CPVL: variants seen among roughly 807,000 people sequenced by gnomAD.
CPVL encodes carboxypeptidase vitellogenic like.
A neutral mutation model predicts 63.7 loss-of-function variants in CPVL; 51 were observed. The observed-to-expected ratio is 0.80, with a 90% CI of 0.64 to 1.01. The LOEUF is 1.01. Among genes scored for constraint, CPVL ranks in the 50% least tolerant of loss-of-function variants. CPVL has a pLI of 0.00. For synonymous variants in CPVL, 195 were observed against 206.0 expected, an observed-to-expected ratio of 0.95 and a Z score of 0.46; for missense variants, 530 against 573.1, an observed-to-expected ratio of 0.92 and a Z score of 0.77.
chr7:29,077,118 G>A lies in CPVL; in HGVS notation c.610-4695C>T, dbSNP rs187122248. Among the ~76,000 whole-genome samples the A allele has an allele frequency of 1.4e-3, 206 of 152,210 alleles. 1 individual carries two copies. Among genetic ancestry groups the A allele is most frequent in the African/African-American group, 3.9e-3 (163 of 41,534 alleles). ...TAACCTGCCATTTGGTTACTTTCAA[G>A]GAAGGGAAAAAGATTTCATAGCTAA... On this transcript the variant is annotated intron_variant, in intron 7 of 12. Transcript: ENST00000265394.
intron 5 of CPVL, among the ~76,000 whole-genome samples, chr7:29,164,801 A>AAAC (rs61534046): frequency 7.0e-6 from 1 of 142,214 alleles, no homozygotes. Flanking sequence ...AAAAAAAAAA[A>AAAC]CAAAGATTAT....
chr7:29,009,656 TTTC>T (rs1403254356), intron 12 of CPVL: 10 of 152,274 alleles, frequency 6.6e-5, no homozygotes, highest in African/African-American at 2.2e-4. Context: ...TACAGAATAA[TTTC>T]TTTTCTATAA....
chr7:29,099,597 A>T (rs1408445173), intron 3 of CPVL, among the ~76,000 whole-genome samples: 1 of 152,162 alleles, frequency 6.6e-6, no homozygotes, highest in African/African-American at 2.4e-5. Context: ...CTGTAATCCT[A>T]GCTACTTTAG....
At chr7:29,096,304 C>T in intron 3 of CPVL, 87 bp from the exon 4 acceptor site, 2 of 1,051,058 alleles carry the variant, frequency 1.9e-6, no homozygotes, top group Non-Finnish European at 3.0e-6. Flanking sequence ...CAAATCCTCT[C>T]TGTGTTACAG....
chr7:29,168,452 T>C (rs1009839759), intron 5 of CPVL, among the ~76,000 whole-genome samples: 9 of 152,240 alleles, frequency 5.9e-5, no homozygotes, highest in Non-Finnish European at 2.9e-5. Context: ...ACCCAGCTTC[T>C]ATAATTATGG....
Position 29,112,830 on chromosome 7 carries a change from G to A in CPVL, c.170-8C>T. 1 of 1,589,486 alleles carries A rather than the reference G, an allele frequency of 6.3e-7. No homozygotes were observed. Among genetic ancestry groups the A allele is most frequent in the Non-Finnish European group, 8.6e-7 (1 of 1,161,140 alleles). On this transcript the variant is annotated splice_polypyrimidine_tract_variant and splice_region_variant and intron_variant, in intron 2 of 12. Coordinates refer to ENST00000265394, the MANE Select transcript of CPVL (RefSeq NM_031311.5). ...CCAAACTCAATTCTCTTCCTAGTGG[G>A]GGAAAAAAAATTTACCCAAGGATTA...
At chr7:29,061,228 T>C (rs1336538324) in intron 11 of CPVL, among the ~76,000 whole-genome samples, 3 of 151,186 alleles carry the variant, frequency 2.0e-5, no homozygotes, top group African/African-American at 7.3e-5. Context: ...GGCAACATGG[T>C]GAAACCCTGT....
chr7:29,112,770 A>C lies in CPVL; in HGVS notation c.222T>G (p.Tyr74Ter). The change falls in exon 3 of 13, where the codon TAT becomes TAG. Residue 74 changes from tyrosine (Y) to a stop codon, truncating the protein, a stop_gained. Coordinates refer to ENST00000265394, the MANE Select transcript of CPVL (RefSeq NM_031311.5). LOFTEE classifies it high-confidence loss of function. Reference sequence around the variant, plus strand: ...TCTTATTCACGGTGAGGAAGCCGGCATAACTCTTCATGTTCAGTCCTGGGA... The same window carrying C: ...TCTTATTCACGGTGAGGAAGCCGGCCTAACTCTTCATGTTCAGTCCTGGGA... ...GPFPGLNMKS[Y>*]AGFLTVNKTY... 2 of 1,614,014 alleles carry C rather than the reference A, an allele frequency of 1.2e-6. No individual in the cohort carries two copies. The highest frequency in any genetic ancestry group is 2.2e-5 in the South Asian group (2 of 91,048).
At chr7:29,059,156 T>C (rs907906743) in intron 11 of CPVL, among the ~76,000 whole-genome samples, 2 of 152,178 alleles carry the variant, frequency 1.3e-5, no homozygotes, top group Non-Finnish European at 2.9e-5. Context: ...ATCCTCATGC[T>C]ACTCTTAGCT....
At chr7:29,126,957 G>A (rs1046281954) in intron 1 of CPVL, 13 of 152,210 alleles carry the variant, frequency 8.5e-5, no homozygotes, top group African/African-American at 3.1e-4. Context: ...GCAACCTTTT[G>A]CTGAAGTGGC....
At chr7:29,125,763 C>T (rs948934377) in intron 1 of CPVL, among the ~76,000 whole-genome samples, 3 of 152,108 alleles carry the variant, frequency 2.0e-5, no homozygotes, top group Admixed American at 1.3e-4. Flanking sequence ...TAATAACAGC[C>T]TGTAATAGTC....
intron 5 of CPVL, among the ~76,000 whole-genome samples, chr7:29,165,941 C>T (rs1795852206): frequency 6.6e-6 from 1 of 152,124 alleles, no homozygotes; most frequent in Non-Finnish European, 1.5e-5. Context: ...TCACAGGGGA[C>T]ATGATTTGTA....
intron 1 of CPVL, among the ~76,000 whole-genome samples, chr7:29,145,136 T>C (rs561053193): frequency 2.1e-4 from 32 of 152,018 alleles, no homozygotes; most frequent in Non-Finnish European, 1.0e-4. Flanking sequence ...CGGTGCAGTG[T>C]ACTTTTCCAA....
intron 12 of CPVL, among the ~76,000 whole-genome samples, chr7:29,027,558 A>T (rs1474450684): frequency 2.6e-5 from 4 of 152,194 alleles, no homozygotes; most frequent in Non-Finnish European, 4.4e-5. Flanking sequence ...TGCAGCTGAC[A>T]CGATCTTTTA....
chr7:29,154,275 G>A (rs952659237), intron 5 of CPVL, among the ~76,000 whole-genome samples: 7 of 152,148 alleles, frequency 4.6e-5, no homozygotes, highest in Non-Finnish European at 1.0e-4. Context: ...AACAATAAGG[G>A]CAACAGCAGT....
chr7:29,110,206 C>T (rs1464790354), intron 3 of CPVL, among the ~76,000 whole-genome samples: 1 of 152,210 alleles, frequency 6.6e-6, no homozygotes, highest in Non-Finnish European at 1.5e-5. Flanking sequence ...AATTGGAGTT[C>T]TCCAGCTAGA....
At chr7:29,020,355 A>G (rs1409729291) in intron 12 of CPVL, among the ~76,000 whole-genome samples, 1 of 152,194 alleles carries the variant, frequency 6.6e-6, no homozygotes, top group Non-Finnish European at 1.5e-5. Context: ...TATGCCCTTA[A>G]TGGCCTGAAT....
chr7:29,194,346 G>GC (rs1783312790), intron 1 of CPVL: 1 of 151,588 alleles, frequency 6.6e-6, no homozygotes, highest in Non-Finnish European at 1.5e-5. Context: ...TCCCCCTCCA[G>GC]CCCCAGTGGC....
chr7:29,129,714 A>G (rs1194053337), intron 1 of CPVL, among the ~76,000 whole-genome samples: 1 of 151,966 alleles, frequency 6.6e-6, no homozygotes, highest in Non-Finnish European at 1.5e-5. Context: ...TGAACTGCCC[A>G]CCTCGGCTTC....
Sources: gnomAD v4.1 joint callset for allele counts (sites outside exome capture counted in the v4.1 genomes callset) on GRCh38, gnomAD v4.1.1 for gene constraint, MANE v1.5 for transcripts, NCBI Gene and HGNC (gene_info 2026-07-23, HGNC 2026-07-21) for gene names.